SLC46A2: variants seen among roughly 807,000 people sequenced by gnomAD.
SLC46A2 encodes the protein solute carrier family 46 member 2, also known as thymic stromal co-transporter.
A neutral mutation model predicts 33.1 loss-of-function variants in SLC46A2; 25 were observed. That is an observed-to-expected ratio of 0.76 (90% CI 0.55 to 1.06). The LOEUF (loss-of-function observed/expected upper bound fraction) is 1.06. Ranked by LOEUF, SLC46A2 falls within the 50% of genes least tolerant of loss-of-function variation. The pLI, the probability that SLC46A2 is intolerant of heterozygous loss-of-function variation, is 0.00. For missense variants in SLC46A2, 622 were observed against 621.7 expected, an observed-to-expected ratio of 1.00 and a Z score of 0.00; for synonymous variants, 254 against 275.9, an observed-to-expected ratio of 0.92 and a Z score of 0.79.
chr9:112,884,853 A>G (rs1052474800), intron 3 of SLC46A2, among the ~76,000 whole-genome samples: 6 of 152,234 alleles, frequency 3.9e-5, no homozygotes, highest in South Asian at 2.1e-4. Flanking sequence ...AAGAGACTAC[A>G]TTAACCAACT....
At position 112,889,482 on chromosome 9, in the gene SLC46A2, G is replaced by T. The variant is rs145661725; in HGVS notation, c.1129+71C>A. The T allele has an allele frequency of 1.5e-4, 223 of 1,501,992 alleles. No individual in the cohort carries two copies. In the African/African-American group the frequency reaches 2.8e-3, roughly 19 times the overall value. The allele number at this position is 1,501,992 out of a possible 1,614,324, so 93.0% of individuals were successfully genotyped here. On this transcript the variant is annotated intron_variant, in intron 1 of 3. Transcript: ENST00000374228. ...GCTGAGCTAGGACACCCAGACCATG[G>T]CATCCCTGGTGTCAGCCCCATGATG... is the stretch of plus-strand genomic sequence containing the variant.
At chr9:112,887,159 T>C (rs1221861864) in intron 2 of SLC46A2, among the ~76,000 whole-genome samples, 171 bp downstream of exon 2, 1 of 152,202 alleles carries the variant, frequency 6.6e-6, no homozygotes, top group Non-Finnish European at 1.5e-5. Context: ...TCTAAGTCAC[T>C]CCTATACCCG....
At chr9:112,888,015 C>G (rs1011918711) in intron 1 of SLC46A2, among the ~76,000 whole-genome samples, 1 of 152,074 alleles carries the variant, frequency 6.6e-6, no homozygotes, top group African/African-American at 2.4e-5. Context: ...TGGCGGCTCA[C>G]GCCTGTAATC....
chr9:112,882,058 T>C (rs1426595406), intron 3 of SLC46A2, among the ~76,000 whole-genome samples: 2 of 152,116 alleles, frequency 1.3e-5, no homozygotes, highest in African/African-American at 4.8e-5. Flanking sequence ...CAGGCCAGCT[T>C]ATGCAGGGCT....
intron 1 of SLC46A2, among the ~76,000 whole-genome samples, chr9:112,888,903 T>G (rs145175372): frequency 0.023 from 3,470 of 151,868 alleles, 60 homozygotes; most frequent in Non-Finnish European, 0.026. Context: ...TTGTTTTTTT[T>G]TTTTTGAGAC....
intron 3 of SLC46A2, among the ~76,000 whole-genome samples, chr9:112,882,720 C>T (rs994520615): frequency 3.3e-5 from 5 of 151,934 alleles, no homozygotes; most frequent in African/African-American, 7.3e-5. Flanking sequence ...TTTCTACCCT[C>T]GGTGGGTGGT....
intron 1 of SLC46A2, among the ~76,000 whole-genome samples, chr9:112,887,912 AGTGTGTGTGTGT>A (rs34424153): frequency 3.5e-5 from 5 of 142,268 alleles, no homozygotes; most frequent in South Asian, 2.3e-4. Flanking sequence ...ATCCAGATGC[AGTGTGTGTGTGT>A]GTGTGTGTGT....
At chr9:112,883,822 C>T (rs906995660) in intron 3 of SLC46A2, among the ~76,000 whole-genome samples, 20 of 151,852 alleles carry the variant, frequency 1.3e-4, no homozygotes, top group Non-Finnish European at 2.8e-4. Flanking sequence ...CTCAGCCTCC[C>T]GAATAACTGG....
In SLC46A2 at chr9:112,889,597, G is replaced by T. The variant is rs754422036; in HGVS notation, c.1085C>A (p.Ala362Asp). The T allele has an allele frequency of 6.8e-6, 11 of 1,613,782 alleles. No individual in the cohort carries two copies. The highest frequency in any genetic ancestry group is 7.6e-6 in the Non-Finnish European group (9 of 1,179,946). ...CTCTTTCACAAAAGCCAAGAGGAGGGCTCCTGACCCAAAGGAGACCATCCC... is the reference window on the plus strand; with the variant it reads ...CTCTTTCACAAAAGCCAAGAGGAGGTCTCCTGACCCAAAGGAGACCATCCC... The part of the protein sequence containing the change: ...MIGMVSFGSG[A>D]LLLAFVKETY... The change falls in exon 1 of 4, where the codon GCC becomes GAC. Residue 362 changes from alanine (A) to aspartate (D), a missense_variant. Ala to Asp is a moderately radical substitution (Grantham distance 126, BLOSUM62 -2). Coordinates refer to ENST00000374228, the MANE Select transcript of SLC46A2 (RefSeq NM_033051.4).
chr9:112,890,319 G>A lies in SLC46A2; in HGVS notation c.363C>T (p.Leu121=), dbSNP rs1181171945. ...MSLLGFLLSR[L]GLLLKVLLDW... Reference sequence around the variant, plus strand: ...CCAGCAGCACCTTGAGCAGCAGCCCGAGGCGGGAGAGCAGGAAGCCCAGCA... The same window carrying A: ...CCAGCAGCACCTTGAGCAGCAGCCCAAGGCGGGAGAGCAGGAAGCCCAGCA... Residue 121 remains leucine, a synonymous_variant, in exon 1 of 4, where the codon CTC becomes CTT. Transcript: ENST00000374228. The surrounding 1 kb of genome is among the most constrained non-coding windows in gnomAD (Gnocchi z 6.0). 1.2e-5 allele frequency: 19 copies of A among 1,613,728 alleles called. No individual in the cohort carries two copies. Among genetic ancestry groups the A allele is most frequent in the Admixed American group, 6.7e-5 (4 of 60,010 alleles).
intron 3 of SLC46A2, chr9:112,880,049 G>T: frequency 2.4e-6 from 1 of 424,526 alleles, no homozygotes; most frequent in Non-Finnish European, 4.3e-6. Context: ...AATCTCTGGG[G>T]GCCAGGCATG....
intron 1 of SLC46A2, among the ~76,000 whole-genome samples, chr9:112,888,978 C>T (rs913515549): frequency 7.2e-5 from 11 of 151,732 alleles, no homozygotes; most frequent in African/African-American, 2.2e-4. Flanking sequence ...ACAACCGCTG[C>T]CTCTTGGGTT....
intron 1 of SLC46A2, among the ~76,000 whole-genome samples, chr9:112,887,923 G>GTA (rs1324243094): frequency 7.3e-6 from 1 of 136,416 alleles, no homozygotes; most frequent in Non-Finnish European, 1.5e-5. Context: ...GTGTGTGTGT[G>GTA]TGTGTGTGTG....
At position 112,890,133 on chromosome 9, in the gene SLC46A2, C is replaced by A; in HGVS notation, c.549G>T (p.Ala183=). Reference sequence around the variant, plus strand: ...CGGAAGCCATGCTCCCGCAGAACCCCGCCAAGCCCAGCATCAGGTCAATGA... The same window carrying A: ...CGGAAGCCATGCTCCCGCAGAACCCAGCCAAGCCCAGCATCAGGTCAATGA... ...LILIDLMLGL[A]GFCGSMASGH... is the part of the protein sequence containing the mutation. The change falls in exon 1 of 4, where the codon GCG becomes GCT. Residue 183 remains alanine (A), a synonymous_variant. Transcript: ENST00000374228. This position sits in a 1 kb window ranked among gnomAD's most constrained non-coding sequence, Gnocchi z 6.0. 6.2e-7 allele frequency: 1 copy of A among 1,613,422 alleles called. No individual in the cohort carries two copies. Among genetic ancestry groups the A allele is most frequent in the Non-Finnish European group, 8.5e-7 (1 of 1,179,898 alleles).
At chr9:112,883,695 CTTTTCTT>C (rs1564304279) in intron 3 of SLC46A2, among the ~76,000 whole-genome samples, 1 of 111,232 alleles carries the variant, frequency 9.0e-6, no homozygotes, top group Non-Finnish European at 1.7e-5. Flanking sequence ...TTTCTTTTTT[CTTTTCTT>C]TTTTTTTTTT....
In SLC46A2 at chr9:112,879,523, C is replaced by T. The variant is rs915055085; in HGVS notation, c.*239G>A. On this transcript the variant is annotated 3_prime_UTR_variant, in exon 4 of 4. Coordinates refer to ENST00000374228, the MANE Select transcript of SLC46A2 (RefSeq NM_033051.4). ...GGTCATGCTCTGCTGTCACAGAACC[C>T]AGTGTCTGCCTAATGGGGGTGTCTT... 8 of 489,730 alleles carry T rather than the reference C, an allele frequency of 1.6e-5. No homozygotes were observed. The highest frequency in any genetic ancestry group is 1.2e-4 in the African/African-American group (6 of 52,036). The allele number at this position is 489,730 out of a possible 1,614,324, so 30.3% of individuals were successfully genotyped here.
At chr9:112,884,031 T>A (rs1471221159) in intron 3 of SLC46A2, among the ~76,000 whole-genome samples, 1 of 152,150 alleles carries the variant, frequency 6.6e-6, no homozygotes, top group East Asian at 1.9e-4. Context: ...ATTAGTTAAG[T>A]GCATGTATAT....
At position 112,879,217 on chromosome 9, in the gene SLC46A2, G is replaced by T. The variant is rs1316306709; in HGVS notation, c.*545C>A. On this transcript the variant is annotated 3_prime_UTR_variant, in exon 4 of 4. Coordinates refer to ENST00000374228, the MANE Select transcript of SLC46A2 (RefSeq NM_033051.4). ...TAAGGAAGACTCAGGAAAGAAAGCT[G>T]ACTTTTTTCAAGGTTTTATTTTAAT... 1 of 152,242 alleles carries T rather than the reference G, an allele frequency of 6.6e-6. No individual in the cohort carries two copies. The highest frequency in any genetic ancestry group is 1.5e-5 in the Non-Finnish European group (1 of 68,064). 9.4% of individuals were successfully genotyped at this position (152,242 alleles called of 1,614,324 possible).
rs1841717896 is a variant in SLC46A2, at chr9:112,890,538, G to A, written c.144C>T (p.Tyr48=). The A allele has an allele frequency of 2.3e-5, 37 of 1,613,846 alleles. No homozygotes were observed. The highest frequency in any genetic ancestry group is 1.7e-4 in the Middle Eastern group (1 of 6,060). ...AGLLLVVKAS[Y]GTGGSSNHSA... ...TGTGGTTGGAGGAGCCTCCGGTTCC[G>A]TAGGACGCCTTCACCACGAGGAGTA... Residue 48 remains tyrosine, a synonymous_variant, in exon 1 of 4, where the codon TAC becomes TAT. Transcript: ENST00000374228. The surrounding 1 kb of genome is among the most constrained non-coding windows in gnomAD (Gnocchi z 6.0).
Sources: allele counts gnomAD v4.1 joint callset (sites outside exome capture counted in the v4.1 genomes callset), GRCh38; gene constraint gnomAD v4.1.1; non-coding constraint Gnocchi (gnomAD v3.1); transcripts MANE v1.5; gene names NCBI Gene and HGNC (gene_info 2026-07-23, HGNC 2026-07-21).